Variants in OGDHL observed in about 807,000 individuals in gnomAD.
OGDHL encodes the protein oxoglutarate dehydrogenase L.
Under a neutral mutation model 109.6 loss-of-function variants are expected in OGDHL, and 79 were observed. That is an observed-to-expected ratio of 0.72 (90% CI 0.60 to 0.87). The LOEUF (loss-of-function observed/expected upper bound fraction) is 0.87, where lower values mean the gene tolerates loss of function less well. Ranked by LOEUF, OGDHL falls within the 40% of genes least tolerant of loss-of-function variation. The pLI, the probability that OGDHL is intolerant of heterozygous loss-of-function variation, is 0.00. For missense variants in OGDHL, 1,275 were observed against 1,362.2 expected, an observed-to-expected ratio of 0.94 and a Z score of 1.01; for synonymous variants, 528 against 537.2, an observed-to-expected ratio of 0.98 and a Z score of 0.24.
chr10:49,759,155 A>G (rs909895691), intron 1 of OGDHL, among the ~76,000 whole-genome samples: 3 of 152,166 alleles, frequency 2.0e-5, no homozygotes, highest in Non-Finnish European at 4.4e-5. Context: ...GGCTCTAGTC[A>G]TTGCGACCAA....
Position 49,751,919 on chromosome 10 carries a change from C to T in OGDHL, c.657G>A (p.Gln219=), listed in dbSNP as rs7090775. The T allele has an allele frequency of 0.037, 59,283 of 1,614,154 alleles. 1,427 individuals are homozygous for T. The highest frequency in any genetic ancestry group is 0.093 in the South Asian group (8,445 of 91,070). ...FMFINDVEQC[Q]WIRQKFETPG... is the part of the protein sequence containing the mutation. The stretch of plus-strand genomic sequence containing the variant: ...GGGTCTCAAACTTCTGCCGGATCCA[C>T]TGGCACTGCTCCACATCGTTGATGA... The change falls in exon 6 of 23, where the codon CAG becomes CAA. Residue 219 remains glutamine, a synonymous_variant. Coordinates refer to ENST00000374103, the MANE Select transcript of OGDHL (RefSeq NM_018245.3).
intron 1 of OGDHL, among the ~76,000 whole-genome samples, chr10:49,761,661 C>G (rs1465201464): frequency 1.3e-5 from 2 of 152,218 alleles, no homozygotes; most frequent in Non-Finnish European, 2.9e-5. Context: ...GTACTGCAGC[C>G]TGCTGTGGCC....
chr10:49,736,342 G>A lies in OGDHL; in HGVS notation c.2754+15C>T, dbSNP rs953101802. The A allele has an allele frequency of 4.3e-6, 7 of 1,613,914 alleles. No homozygotes were observed. Among genetic ancestry groups the A allele is most frequent in the African/African-American group, 1.3e-5 (1 of 74,932 alleles). On this transcript the variant is annotated intron_variant, in intron 21 of 22. Transcript: ENST00000374103. ...GCTTGCCCATCACTTGACTGTACAAGGGGTTCAGGCACACCTGCTCCAGGC... is the reference window on the plus strand; with the variant it reads ...GCTTGCCCATCACTTGACTGTACAAAGGGTTCAGGCACACCTGCTCCAGGC...
intron 12 of OGDHL, 83 bp from the exon 13 acceptor site, chr10:49,744,835 G>T: frequency 2.7e-6 from 3 of 1,103,032 alleles, no homozygotes; most frequent in Non-Finnish European, 4.2e-6. Context: ...GTAAGTCCTG[G>T]TCCCCATCAC....
At chr10:49,739,879 C>T (rs1841517798) in intron 16 of OGDHL, 40 bp from the exon 17 acceptor site, 5 of 1,581,008 alleles carry the variant, frequency 3.2e-6, no homozygotes, top group Non-Finnish European at 3.4e-6. Flanking sequence ...CACACAGTCA[C>T]CAAGTGGCAG....
rs555783759 is a variant in OGDHL at position 49,756,488 on chromosome 10, T to C, written c.375+288A>G. ...ACCCCTCATTCAACAGGCTTTGGAA[T>C]TGATCCCTTACTAAGTGCTCCTCCA... On this transcript the variant is annotated intron_variant, in intron 3 of 22. Coordinates refer to ENST00000374103, the MANE Select transcript of OGDHL (RefSeq NM_018245.3). The C allele has an allele frequency of 1.9e-4, 55 of 282,796 alleles. 1 individual carries two copies. The highest frequency in any genetic ancestry group is 9.9e-4 in the African/African-American group (46 of 46,306). The allele number at this position is 282,796 out of a possible 1,614,324, so 17.5% of individuals were successfully genotyped here. A position where few individuals can be genotyped will look rare whatever the true frequency, so the allele number is the denominator to read the frequency against.
rs548621057 is a variant in OGDHL, at chr10:49,741,071, C to T, written c.2013-234G>A. 1.9e-3 allele frequency among the ~76,000 whole-genome samples: 295 copies of T among 152,248 alleles called. 1 individual carries two copies. In the South Asian group the frequency reaches 0.025, roughly 13 times the overall value. ...CAGCCTGCCCCCTGCCTGCTAGCAGCGCCCACACACCACGCACTGGGGGGT... is the reference window on the plus strand; with the variant it reads ...CAGCCTGCCCCCTGCCTGCTAGCAGTGCCCACACACCACGCACTGGGGGGT... On this transcript the variant is annotated intron_variant, in intron 15 of 22. Coordinates refer to ENST00000374103, the MANE Select transcript of OGDHL (RefSeq NM_018245.3).
chr10:49,749,651 G>A (rs959201488), intron 8 of OGDHL, 75 bp downstream of exon 8: 25 of 1,301,306 alleles, frequency 1.9e-5, no homozygotes, highest in Admixed American at 1.8e-4. Flanking sequence ...GGAAGCTCCC[G>A]GCTCAGCCCC....
intron 16 of OGDHL, 95 bp downstream of exon 16, chr10:49,740,615 G>T (rs1186642519): frequency 2.1e-6 from 3 of 1,452,306 alleles, no homozygotes; most frequent in Non-Finnish European, 2.8e-6. Flanking sequence ...AGCATCTCTC[G>T]CCCCTCCCAG....
In OGDHL at chr10:49,756,783, G is replaced by C. The variant is rs1052265529; in HGVS notation, c.368C>G (p.Ala123Gly). Reference sequence around the variant, plus strand: ...GCCTCAGCTGCCCCTCACCTGGTAGGCCCGGATCAGGGACTGCACAGCCAG... The same window carrying C: ...GCCTCAGCTGCCCCTCACCTGGTAGCCCCGGATCAGGGACTGCACAGCCAG... ...DHLAVQSLIR[A>G]YQIRGHHVAQ... is the part of the protein sequence containing the mutation. Residue 123 changes from alanine (A) to glycine (G), a missense_variant, in exon 3 of 23, where the codon GCC (alanine) becomes GGC (glycine). Coordinates refer to ENST00000374103, the MANE Select transcript of OGDHL (RefSeq NM_018245.3). 6.2e-7 allele frequency: 1 copy of C among 1,612,496 alleles called. No individual in the cohort carries two copies. The highest frequency in any genetic ancestry group is 1.3e-5 in the African/African-American group (1 of 74,900).
At chr10:49,743,141 C>T (rs569524078) in intron 14 of OGDHL, among the ~76,000 whole-genome samples, 163 bp from the exon 15 acceptor site, 2 of 152,362 alleles carry the variant, frequency 1.3e-5, no homozygotes, top group African/African-American at 4.8e-5. Context: ...ACCCCTCCTC[C>T]AGCTGAGACA....
Position 49,737,814 on chromosome 10 carries a change from G to A in OGDHL, c.2562C>T (p.Ala854=). 3 of 1,614,218 alleles carry A rather than the reference G, an allele frequency of 1.9e-6. No homozygotes were observed. The highest frequency in any genetic ancestry group is 2.5e-6 in the Non-Finnish European group (3 of 1,180,036). ...TPKSLLRHPE[A]KSSFDQMVSG... ...ATACCATTTGGTCAAAGCTGGACTT[G>A]GCCTCTGGGTGCCTCAGCAGAGATT... The change falls in exon 20 of 23, where the codon GCC becomes GCT. Residue 854 remains alanine (A), a synonymous_variant. Transcript: ENST00000374103.
chr10:49,743,846 GAC>G (rs1190562976), intron 14 of OGDHL, 146 bp downstream of exon 14: 4 of 943,692 alleles, frequency 4.2e-6, no homozygotes, highest in East Asian at 2.8e-5. Context: ...CACGGGCACA[GAC>G]ATGGTGCCGA....
intron 3 of OGDHL, 172 bp downstream of exon 3, chr10:49,756,604 T>C: frequency 1.7e-6 from 1 of 589,996 alleles, no homozygotes; most frequent in Non-Finnish European, 2.8e-6. Context: ...GTAAGTGCTC[T>C]GAATGGTGAT....
intron 3 of OGDHL, among the ~76,000 whole-genome samples, chr10:49,756,066 G>A (rs1842896530): frequency 6.6e-6 from 1 of 152,232 alleles, no homozygotes; most frequent in South Asian, 2.1e-4. Flanking sequence ...AGCTCATTCA[G>A]AGGCAAAGCA....
At chr10:49,744,169 T>C (rs1842009717) in intron 13 of OGDHL, 47 bp from the exon 14 acceptor site, 2 of 1,600,708 alleles carry the variant, frequency 1.2e-6, no homozygotes, top group Non-Finnish European at 1.7e-6. Flanking sequence ...TGGTGGGTTC[T>C]GATCCCCCTG....
intron 13 of OGDHL, 26 bp from the exon 14 acceptor site, chr10:49,744,148 C>T: frequency 6.2e-7 from 1 of 1,611,302 alleles, no homozygotes; most frequent in South Asian, 1.1e-5. Context: ...GCTCTGTCCA[C>T]ACTGTGTCAG....
chr10:49,746,896 G>A lies in OGDHL; in HGVS notation c.1168-18C>T. 6.2e-7 allele frequency: 1 copy of A among 1,613,940 alleles called. No homozygotes were observed. The highest frequency in any genetic ancestry group is 8.5e-7 in the Non-Finnish European group (1 of 1,179,878). On this transcript the variant is annotated intron_variant, in intron 9 of 22. Coordinates refer to ENST00000374103, the MANE Select transcript of OGDHL (RefSeq NM_018245.3). ...GACATGACCTGCAGGGCAGGTGTGA[G>A]CCAGGAGGGGCTGCGTGCCCCAGCC... is the stretch of plus-strand genomic sequence containing the variant.
At chr10:49,740,580 C>T in intron 16 of OGDHL, 130 bp downstream of exon 16, 5 of 1,173,048 alleles carry the variant, frequency 4.3e-6, no homozygotes, top group Non-Finnish European at 4.6e-6. Flanking sequence ...CACCATCCCC[C>T]AGGGCCATCC....
Sources: allele counts gnomAD v4.1 joint callset (sites outside exome capture counted in the v4.1 genomes callset), GRCh38; gene constraint gnomAD v4.1.1; transcripts MANE v1.5; gene names NCBI Gene and HGNC (gene_info 2026-07-23, HGNC 2026-07-21).